Variants in PARP11 observed in about 807,000 individuals in gnomAD.
PARP11 encodes the protein poly(ADP-ribose) polymerase family member 11, also known as protein mono-ADP-ribosyltransferase PARP11.
A neutral mutation model predicts 42.9 loss-of-function variants in PARP11; 31 were observed. The ratio of observed to expected loss-of-function variants is 0.72; its 90% confidence interval spans 0.54 to 0.98. The LOEUF is 0.98. Ranked by LOEUF, PARP11 falls within the 50% of genes least tolerant of loss-of-function variation. PARP11 has a pLI of 0.00. For missense variants in PARP11, 365 were observed against 413.1 expected, an observed-to-expected ratio of 0.88 and a Z score of 1.01; for synonymous variants, 137 against 127.3, an observed-to-expected ratio of 1.08 and a Z score of -0.51.
chr12:3,838,825 T>C (rs991817212), intron 1 of PARP11, among the ~76,000 whole-genome samples: 1 of 151,986 alleles, frequency 6.6e-6, no homozygotes, highest in African/African-American at 2.4e-5. Context: ...CTTTTTTGGT[T>C]TCCTCGGCTC....
chr12:3,849,969 A>G (rs1025899759), intron 1 of PARP11, among the ~76,000 whole-genome samples: 1 of 148,636 alleles, frequency 6.7e-6, no homozygotes, highest in African/African-American at 2.4e-5. Context: ...CTTTTTAAAT[A>G]TGTATTTAAT....
At chr12:3,812,525 T>C in intron 7 of PARP11, 86 bp from the exon 8 acceptor site, 1 of 862,472 alleles carries the variant, frequency 1.2e-6, no homozygotes, top group Non-Finnish European at 1.8e-6. Context: ...GGAGAATAGA[T>C]GCATAGAATT....
intron 4 of PARP11, among the ~76,000 whole-genome samples, chr12:3,822,729 C>G (rs1412706907): frequency 6.6e-6 from 1 of 150,846 alleles, no homozygotes; most frequent in African/African-American, 2.4e-5. Context: ...TTAGTTCTGT[C>G]TTGTTTTTTT....
At chr12:3,837,788 G>A (rs776991114) in intron 1 of PARP11, among the ~76,000 whole-genome samples, 2 of 151,932 alleles carry the variant, frequency 1.3e-5, no homozygotes, top group Non-Finnish European at 2.9e-5. Context: ...AAACAAAGAA[G>A]AGCAAAGAGT....
rs947393459 is a variant in PARP11 at position 3,840,869 on chromosome 12, A to G, written c.19-10851T>C. ...CCTGCAGAACAAAAGCCAGCAGAAC[A>G]TGTGTCTTTGTCAAATCCAGCTCCC... On this transcript the variant is annotated intron_variant, in intron 1 of 7. Coordinates refer to ENST00000228820, the MANE Select transcript of PARP11 (RefSeq NM_020367.6). This position sits in a 1 kb window ranked among gnomAD's most constrained non-coding sequence, Gnocchi z 4.4. 3.1e-6 allele frequency: 5 copies of G among 1,599,672 alleles called. No individual in the cohort carries two copies. The highest frequency in any genetic ancestry group is 4.5e-5 in the East Asian group (2 of 44,848).
Position 3,828,990 on chromosome 12 carries a change from A to AT in PARP11, c.187dup (p.Ile63AsnfsTer57). ...AGGGTTTGTTTTGAAGCTTTTTTCG[A>AT]TATCTTCACTGCTAACTGAACACTG... On this transcript the variant is annotated frameshift_variant, in exon 3 of 8. Coordinates refer to ENST00000228820, the MANE Select transcript of PARP11 (RefSeq NM_020367.6). LOFTEE classifies it high-confidence loss of function. 6.2e-7 allele frequency: 1 copy of AT among 1,614,086 alleles called. No homozygotes were observed. The highest frequency in any genetic ancestry group is 8.5e-7 in the Non-Finnish European group (1 of 1,179,974).
At chr12:3,850,317 C>T (rs1435549588) in intron 1 of PARP11, among the ~76,000 whole-genome samples, 1 of 151,918 alleles carries the variant, frequency 6.6e-6, no homozygotes, top group Admixed American at 6.6e-5. Context: ...TTCGAACACC[C>T]CTAATCCAAA....
intron 1 of PARP11, among the ~76,000 whole-genome samples, chr12:3,839,222 C>G (rs1280262647): frequency 6.7e-6 from 1 of 150,170 alleles, no homozygotes; most frequent in African/African-American, 2.4e-5. Context: ...GCCGCCTACC[C>G]CAGGCCGGGG....
intron 1 of PARP11, among the ~76,000 whole-genome samples, chr12:3,866,519 C>T (rs56942603): frequency 0.08 from 12,245 of 152,138 alleles, 1,079 homozygotes; most frequent in African/African-American, 0.21. Flanking sequence ...ATAATTTGTA[C>T]GAAAATCACT....
chr12:3,828,939 GA>G lies in PARP11; in HGVS notation c.238del (p.Ser80ProfsTer7), dbSNP rs1947583078. On this transcript the variant is annotated frameshift_variant, in exon 3 of 8. Coordinates refer to ENST00000228820, the MANE Select transcript of PARP11 (RefSeq NM_020367.6). LOFTEE classifies it high-confidence loss of function. ...AAAGTCTATCTTGTAGCTGAATTTGGAAGTAGTAAAAGAAATGGAGCCACAA... is the reference window on the plus strand; with the variant it reads ...AAAGTCTATCTTGTAGCTGAATTTGGAGTAGTAAAAGAAATGGAGCCACAA... Reference protein sequence around the residue: ...NPCGSISFTTSKFSYKIDFAE... With the variant: ...NPCGSISFTTXKFSYKIDFAE... 2 of 1,613,870 alleles carry G rather than the reference GA, an allele frequency of 1.2e-6. No individual in the cohort carries two copies. The highest frequency in any genetic ancestry group is 8.5e-7 in the Non-Finnish European group (1 of 1,179,910).
Position 3,839,442 on chromosome 12 carries a change from C to T in PARP11, c.19-9424G>A, listed in dbSNP as rs188940547. The T allele has an allele frequency of 5.5e-4, 887 of 1,605,746 alleles. 7 individuals are homozygous for T. The African/African-American group carries it at 0.011, about 20-fold the overall frequency. ...TCGCCAAGGACGGGTCGTGCCTGTT[C>T]CGGGCCGTGGCGGAGCAGGTATTGC... On this transcript the variant is annotated intron_variant, in intron 1 of 7. Coordinates refer to ENST00000228820, the MANE Select transcript of PARP11 (RefSeq NM_020367.6).
chr12:3,851,945 G>A (rs577998841), intron 1 of PARP11, among the ~76,000 whole-genome samples: 1 of 152,266 alleles, frequency 6.6e-6, no homozygotes, highest in Non-Finnish European at 1.5e-5. Context: ...TTGCTGTTCT[G>A]CAATATTTGC....
At chr12:3,830,198 C>T (rs925354310) in intron 1 of PARP11, among the ~76,000 whole-genome samples, 180 bp from the exon 2 acceptor site, 6 of 152,144 alleles carry the variant, frequency 3.9e-5, no homozygotes, top group South Asian at 4.1e-4. Flanking sequence ...AAATGTTGGA[C>T]ATCATTGCTT....
intron 4 of PARP11, among the ~76,000 whole-genome samples, chr12:3,825,109 CT>C (rs141388668): frequency 1.8e-3 from 271 of 146,594 alleles, no homozygotes; most frequent in South Asian, 6.5e-3. Context: ...AACATGCTAC[CT>C]TTTTTTTTTT....
At position 3,841,237 on chromosome 12, in the gene PARP11, G is replaced by C. The variant is rs1319622340; in HGVS notation, c.19-11219C>G. ...ACCACCTTCTTCACTGTGTCAGACT[G>C]GGGAGGACCTACCTAAAGATAAGAA... On this transcript the variant is annotated intron_variant, in intron 1 of 7. Transcript: ENST00000228820. 2.8e-6 allele frequency: 4 copies of C among 1,454,330 alleles called. No homozygotes were observed. In the Admixed American group the frequency reaches 5.0e-5, roughly 18 times the overall value. The allele number at this position is 1,454,330 out of a possible 1,614,324, so 90.1% of individuals were successfully genotyped here.
chr12:3,817,224 G>A (rs139206981), intron 6 of PARP11, among the ~76,000 whole-genome samples: 19 of 151,854 alleles, frequency 1.3e-4, no homozygotes, highest in East Asian at 3.9e-4. Flanking sequence ...ACTACTTTTC[G>A]GGCACAAATT....
chr12:3,815,729 A>C (rs1947273048), intron 6 of PARP11, among the ~76,000 whole-genome samples: 1 of 152,238 alleles, frequency 6.6e-6, no homozygotes, highest in Non-Finnish European at 1.5e-5. Context: ...GGACTTTTCC[A>C]AACCAGACCT....
intron 6 of PARP11, among the ~76,000 whole-genome samples, chr12:3,815,526 C>G (rs996800296): frequency 6.6e-6 from 1 of 152,220 alleles, no homozygotes; most frequent in African/African-American, 2.4e-5. Context: ...GCTTCTAGGT[C>G]TTTCTTTATC....
In PARP11 at chr12:3,829,962, A is replaced by G. The variant is rs1193490337; in HGVS notation, c.75T>C (p.Asp25=). Residue 25 remains aspartate (D), a synonymous_variant, in exon 2 of 8, where the codon GAT becomes GAC. Transcript: ENST00000228820. The part of the protein sequence containing the change: ...LFSKTTNNEV[D]DMDTSDTQWG... ...ACTGGGTATCTGACGTGTCCATGTC[A>G]TCCACTTCATTGTTTGTTGTTTTAG... The G allele has an allele frequency of 2.5e-6, 4 of 1,613,710 alleles. No homozygotes were observed. The highest frequency in any genetic ancestry group is 2.5e-6 in the Non-Finnish European group (3 of 1,179,706).
Sources: gnomAD v4.1 joint callset for allele counts (sites outside exome capture counted in the v4.1 genomes callset) on GRCh38, gnomAD v4.1.1 for gene constraint, Gnocchi (gnomAD v3.1) non-coding constraint, MANE v1.5 for transcripts, NCBI Gene and HGNC (gene_info 2026-07-23, HGNC 2026-07-21) for gene names.